The following NLGN3 variants were observed in gnomAD, a reference collection of about 807,000 sequenced individuals.
NLGN3 encodes neuroligin-3.
A neutral mutation model predicts 42.9 loss-of-function variants in NLGN3; 11 were observed. That is an observed-to-expected ratio of 0.26 (90% CI 0.16 to 0.42). The LOEUF (loss-of-function observed/expected upper bound fraction) is 0.42, where lower values mean the gene tolerates loss of function less well. NLGN3 is among the 10% of genes least tolerant of loss of function. The pLI is 1.00. For synonymous variants in NLGN3, 279 were observed against 312.7 expected, an observed-to-expected ratio of 0.89 and a Z score of 1.14; for missense variants, 374 against 733.8, an observed-to-expected ratio of 0.51 and a Z score of 5.67.
In NLGN3 at chrX:71,170,356, G is replaced by A. The variant is rs1045920270; in HGVS notation, c.*259G>A. ...GACGCAGATGAGTCCTCGGTAAACC[G>A]AGGACCCATGAAACAGCAGCTGAAG... On this transcript the variant is annotated 3_prime_UTR_variant, in exon 8 of 8. Coordinates refer to ENST00000358741, the MANE Select transcript of NLGN3 (RefSeq NM_181303.2). The A allele has an allele frequency of 5.9e-6, 6 of 1,016,959 alleles. No homozygotes were observed. The East Asian group carries it at 1.3e-4, about 21-fold the overall frequency. The allele number at this position is 1,016,959 out of a possible 1,213,427, so 83.8% of individuals were successfully genotyped here.
Position 71,170,188 on chromosome X carries a change from C to T in NLGN3, c.*91C>T. The T allele has an allele frequency of 8.5e-7, 1 of 1,178,792 alleles. No individual in the cohort carries two copies. The highest frequency in any genetic ancestry group is 1.1e-6 in the Non-Finnish European group (1 of 882,968). On this transcript the variant is annotated 3_prime_UTR_variant, in exon 8 of 8. Transcript: ENST00000358741. ...ACACACACACACACACGCAGACACA[C>T]ACACACACACACATATATGTATACG... is the stretch of plus-strand genomic sequence containing the variant.
intron 1 of NLGN3, among the ~76,000 whole-genome samples, chrX:71,146,288 C>T (rs1305807293): frequency 4.8e-5 from 5 of 104,349 alleles, no homozygotes; most frequent in African/African-American, 1.8e-4. Context: ...ACCCCTTCAG[C>T]CAGTTCTTAA....
At chrX:71,146,124 TTCTCTCTCTCTCTCTCTC>T (rs751338166) in intron 1 of NLGN3, among the ~76,000 whole-genome samples, 1 of 49,076 alleles carries the variant, frequency 2.0e-5, no homozygotes, top group Non-Finnish European at 3.5e-5. Context: ...TTCCTTTTTC[TTCTCTCTCTCTCTCTCTC>T]TCTCTCTCTC....
intron 7 of NLGN3, among the ~76,000 whole-genome samples, chrX:71,168,267 C>T (rs1003932446): frequency 4.5e-5 from 5 of 110,917 alleles, no homozygotes; most frequent in Non-Finnish European, 7.6e-5. Flanking sequence ...GCTTGAGCCC[C>T]GGAGGGTGAG....
intron 1 of NLGN3, among the ~76,000 whole-genome samples, chrX:71,145,299 C>T (rs1463318253): frequency 3.2e-5 from 3 of 94,436 alleles, no homozygotes; most frequent in Non-Finnish European, 6.4e-5. Flanking sequence ...GCAGTGCAGC[C>T]CCATCCCCCT....
In NLGN3 at chrX:71,170,136, C is replaced by T. The variant is rs768584023; in HGVS notation, c.*39C>T. On this transcript the variant is annotated 3_prime_UTR_variant, in exon 8 of 8. Coordinates refer to ENST00000358741, the MANE Select transcript of NLGN3 (RefSeq NM_181303.2). Reference sequence around the variant, plus strand: ...CACAGCCAATCTCCAGGCTCCCTCCCTCCCAGATCCAGGAACACATGCACA... The same window carrying T: ...CACAGCCAATCTCCAGGCTCCCTCCTTCCCAGATCCAGGAACACATGCACA... The T allele has an allele frequency of 8.3e-7, 1 of 1,203,717 alleles. No homozygotes were observed. Among genetic ancestry groups the T allele is most frequent in the South Asian group, 1.8e-5 (1 of 56,577 alleles).
At chrX:71,165,549 G>A (rs370652191) in intron 6 of NLGN3, among the ~76,000 whole-genome samples, 3 of 108,674 alleles carry the variant, frequency 2.8e-5, no homozygotes, top group East Asian at 2.9e-4. Context: ...ACAAGATCTC[G>A]CTCTGTTCCC....
intron 3 of NLGN3, among the ~76,000 whole-genome samples, chrX:71,152,034 T>G (rs954490940): frequency 7.2e-5 from 8 of 111,764 alleles, no homozygotes; most frequent in African/African-American, 2.6e-4. Flanking sequence ...TTTTGTAGGA[T>G]GAGGGCAGTT....
chrX:71,155,112 C>A, intron 4 of NLGN3, 102 bp from the exon 5 acceptor site: 1 of 970,474 alleles, frequency 1.0e-6, no homozygotes, highest in Non-Finnish European at 1.5e-6. Context: ...GGTGTCCTGG[C>A]ACCTGGGATA....
downstream of NLGN3, among the ~76,000 whole-genome samples, chrX:71,175,019 G>T (rs1340808727): frequency 8.9e-6 from 1 of 111,998 alleles, no homozygotes; most frequent in African/African-American, 3.2e-5. Flanking sequence ...GCACTGATCA[G>T]ACCACATCTG....
At chrX:71,152,095 G>A (rs770855833) in intron 3 of NLGN3, among the ~76,000 whole-genome samples, 2 of 111,239 alleles carry the variant, frequency 1.8e-5, no homozygotes, top group Admixed American at 9.6e-5. Context: ...AGTCCAGACC[G>A]GCTGGGAAAG....
Position 71,169,772 on chromosome X carries a change from T to C in NLGN3, c.2222T>C (p.Leu741Pro), listed in dbSNP as rs1460006418. The part of the protein sequence containing the change: ...YRKDKRRQEP[L>P]RQPSPQRGAG... ...AAGGACAAACGGCGCCAGGAGCCCC[T>C]GCGGCAGCCTAGCCCTCAGCGGGGA... The change falls in exon 8 of 8, where the codon CTG becomes CCG. Residue 741 changes from leucine to proline, a missense_variant. Leu to Pro is a moderately conservative substitution (Grantham distance 98, BLOSUM62 -3). Around this residue, in one of 6 missense-constraint regions of NLGN3, gnomAD observed 92 missense variants for 108.0 expected, o/e 0.85. Coordinates refer to ENST00000358741, the MANE Select transcript of NLGN3 (RefSeq NM_181303.2). 1.6e-5 allele frequency: 19 copies of C among 1,211,159 alleles called. No individual in the cohort carries two copies. The highest frequency in any genetic ancestry group is 2.1e-5 in the Non-Finnish European group (19 of 895,212).
chrX:71,155,904 T>C (rs2092407032), intron 5 of NLGN3, among the ~76,000 whole-genome samples: 2 of 110,761 alleles, frequency 1.8e-5, no homozygotes, highest in Non-Finnish European at 3.8e-5. Context: ...AAACACATTC[T>C]CCTAGCACTC....
In NLGN3 at chrX:71,170,383, C is replaced by G; in HGVS notation, c.*286C>G. ...GGACCCATGAAACAGCAGCTGAAGC[C>G]AGCTCCCTGAATCTGACCACAGACA... is the stretch of plus-strand genomic sequence containing the variant. On this transcript the variant is annotated 3_prime_UTR_variant, in exon 8 of 8. Transcript: ENST00000358741. 2 of 992,018 alleles carry G rather than the reference C, an allele frequency of 2.0e-6. No homozygotes were observed. Among genetic ancestry groups the G allele is most frequent in the Non-Finnish European group, 2.6e-6 (2 of 781,401 alleles). The allele number at this position is 992,018 out of a possible 1,213,427, so 81.8% of individuals were successfully genotyped here.
At chrX:71,159,226 CAGG>C (rs2092420861) in intron 5 of NLGN3, among the ~76,000 whole-genome samples, 1 of 109,991 alleles carries the variant, frequency 9.1e-6, no homozygotes, top group East Asian at 2.8e-4. Context: ...GAGGCTGAGG[CAGG>C]AGAATTGCTT....
intron 4 of NLGN3, 33 bp from the exon 5 acceptor site, chrX:71,155,181 A>T (rs2092404277): frequency 8.3e-7 from 1 of 1,208,614 alleles, no homozygotes; most frequent in African/African-American, 1.7e-5. Context: ...AGGGCATCCC[A>T]CCCAGCCTGT....
chrX:71,159,780 A>C (rs750046624), intron 5 of NLGN3, among the ~76,000 whole-genome samples: 69 of 107,408 alleles, frequency 6.4e-4, no homozygotes, highest in African/African-American at 2.3e-3. Context: ...GCTGGAGTGC[A>C]GTGGCACAAT....
Position 71,153,467 on chromosome X carries a change from T to C in NLGN3, c.518-10T>C, listed in dbSNP as rs773086043. ...CTGTGCTGTTGTGTCTCCCCGTGTC[T>C]GGTCCCCAGGATCCGGCGCTAAGAA... On this transcript the variant is annotated splice_polypyrimidine_tract_variant and intron_variant, in intron 3 of 7. Coordinates refer to ENST00000358741, the MANE Select transcript of NLGN3 (RefSeq NM_181303.2). The C allele has an allele frequency of 2.5e-6, 3 of 1,204,309 alleles. No individual in the cohort carries two copies. The highest frequency in any genetic ancestry group is 3.4e-6 in the Non-Finnish European group (3 of 891,145).
intron 5 of NLGN3, among the ~76,000 whole-genome samples, chrX:71,163,910 C>T (rs1368459075): frequency 1.8e-5 from 2 of 112,726 alleles, no homozygotes; most frequent in Non-Finnish European, 3.8e-5. Flanking sequence ...AAATGGTCTG[C>T]AGACCCCTCC....
Sources: gnomAD v4.1 joint callset for allele counts (sites outside exome capture counted in the v4.1 genomes callset) on GRCh38, gnomAD v4.1.1 for gene constraint, gnomAD v4.1.1 regional missense constraint, MANE v1.5 for transcripts, NCBI Gene and HGNC (gene_info 2026-07-23, HGNC 2026-07-21) for gene names.